ATP10B: variants seen among roughly 807,000 people sequenced by gnomAD.
ATP10B encodes the protein ATPase phospholipid transporting 10B (putative).
A neutral mutation model predicts 141.2 loss-of-function variants in ATP10B; 122 were observed. That is an observed-to-expected ratio of 0.86 (90% CI 0.75 to 1.00). The LOEUF (loss-of-function observed/expected upper bound fraction) is 1.00, where lower values mean the gene tolerates loss of function less well. Among genes scored for constraint, ATP10B ranks in the 50% least tolerant of loss-of-function variants. The pLI is 0.00. For synonymous variants in ATP10B, 685 were observed against 692.0 expected (o/e 0.99, Z 0.16); for missense variants, 1,876 against 1,825.3 (o/e 1.03, Z -0.51).
intron 2 of ATP10B, among the ~76,000 whole-genome samples, chr5:160,777,618 A>G (rs1470034474): frequency 1.3e-5 from 2 of 152,204 alleles, no homozygotes; most frequent in East Asian, 1.9e-4. Context: ...GAAGCTGGCT[A>G]TATGTTCCTG....
chr5:160,661,162 G>A (rs1761884373), intron 7 of ATP10B, among the ~76,000 whole-genome samples: 1 of 151,930 alleles, frequency 6.6e-6, no homozygotes, highest in South Asian at 2.1e-4. Flanking sequence ...CTCCAGCCTG[G>A]GCAACAAGAG....
the ATP10B span, among the ~76,000 whole-genome samples, chr5:160,882,416 T>C: frequency 6.6e-6 from 1 of 152,134 alleles, no homozygotes; most frequent in Non-Finnish European, 1.5e-5. Context: ...CTTAAGATTG[T>C]TCTAAGAAAA....
chr5:160,922,988 C>G, the ATP10B span, among the ~76,000 whole-genome samples: 1 of 152,144 alleles, frequency 6.6e-6, no homozygotes, highest in Non-Finnish European at 1.5e-5. Flanking sequence ...GAGGTAAGCA[C>G]AAGTATTTGT....
chr5:160,690,923 A>T (rs900065286), intron 3 of ATP10B, among the ~76,000 whole-genome samples: 2 of 152,136 alleles, frequency 1.3e-5, no homozygotes, highest in African/African-American at 2.4e-5. Flanking sequence ...TTATTGCAGC[A>T]CTCTTCACAA....
At chr5:160,577,384 G>A (rs1410320241) in intron 24 of ATP10B, among the ~76,000 whole-genome samples, 4 of 152,204 alleles carry the variant, frequency 2.6e-5, no homozygotes, top group Non-Finnish European at 4.4e-5. Flanking sequence ...TTTACCTCAT[G>A]ACTCTATCTT....
intron 11 of ATP10B, among the ~76,000 whole-genome samples, chr5:160,635,498 C>A (rs184830229): frequency 6.6e-6 from 1 of 152,174 alleles, no homozygotes; most frequent in Non-Finnish European, 1.5e-5. Context: ...TGATTTAATT[C>A]GCATTTAAAA....
Position 160,649,269 on chromosome 5 carries a change from G to A in ATP10B, c.676-13C>T. On this transcript the variant is annotated splice_polypyrimidine_tract_variant and intron_variant, in intron 7 of 25. Coordinates refer to ENST00000327245, the MANE Select transcript of ATP10B (RefSeq NM_025153.3). Reference sequence around the variant, plus strand: ...CGAACTGTACCTCCTGTGAGAGAGAGGACTCTGTGAGTTTATTAATTCAGA... The same window carrying A: ...CGAACTGTACCTCCTGTGAGAGAGAAGACTCTGTGAGTTTATTAATTCAGA... 10 of 1,601,978 alleles carry A rather than the reference G, an allele frequency of 6.2e-6. No individual in the cohort carries two copies. Among genetic ancestry groups the A allele is most frequent in the Non-Finnish European group, 8.6e-6 (10 of 1,169,096 alleles).
At position 160,620,635 on chromosome 5, in the gene ATP10B, G is replaced by C; in HGVS notation, c.2128C>G (p.Leu710Val). 1.2e-6 allele frequency: 2 copies of C among 1,613,700 alleles called. No individual in the cohort carries two copies. The highest frequency in any genetic ancestry group is 1.7e-6 in the Non-Finnish European group (2 of 1,179,628). The change falls in exon 15 of 26, where the codon CTG (leucine) becomes GTG (valine). Residue 710 changes from leucine (L) to valine (V), a missense_variant. Coordinates refer to ENST00000327245, the MANE Select transcript of ATP10B (RefSeq NM_025153.3). ...TCGTAACAGAACTCAGGCCTGGCCA[G>C]GTCTGTGGCTGGGGCCTCCAATGCC... The part of the protein sequence containing the change: ...EEALEAPATD[L>V]ARPEFCYEAE...
chr5:160,653,661 A>G (rs1761166638), intron 7 of ATP10B, among the ~76,000 whole-genome samples: 1 of 119,314 alleles, frequency 8.4e-6, no homozygotes, highest in South Asian at 2.4e-4. Flanking sequence ...ATATACATAT[A>G]TACATATATA....
chr5:160,832,646 G>T (rs1193355166), intron 1 of ATP10B, among the ~76,000 whole-genome samples: 1 of 151,934 alleles, frequency 6.6e-6, no homozygotes, highest in African/African-American at 2.4e-5. Flanking sequence ...AGATACATTT[G>T]CTCCCACTTG....
the ATP10B span, among the ~76,000 whole-genome samples, chr5:160,903,998 T>G: frequency 6.6e-6 from 1 of 152,138 alleles, no homozygotes. Context: ...CGCCATAGGC[T>G]TGAGTACTGA....
chr5:160,670,134 C>G (rs1184462519), intron 7 of ATP10B, among the ~76,000 whole-genome samples: 1 of 151,970 alleles, frequency 6.6e-6, no homozygotes, highest in African/African-American at 2.4e-5. Flanking sequence ...AGGAGTTGGT[C>G]CTAGTGATGA....
intron 2 of ATP10B, among the ~76,000 whole-genome samples, chr5:160,746,819 C>T (rs72818579): frequency 0.07 from 10,683 of 152,198 alleles, 367 homozygotes; most frequent in Middle Eastern, 0.085. Context: ...ATGATTAAGA[C>T]CATCTCATTC....
chr5:160,864,192 CA>C, the ATP10B span, among the ~76,000 whole-genome samples: 8 of 152,060 alleles, frequency 5.3e-5, no homozygotes, highest in South Asian at 1.7e-3. Context: ...AAATCCTCAA[CA>C]AAACACTAGC....
intron 1 of ATP10B, among the ~76,000 whole-genome samples, chr5:160,796,412 G>C (rs1485408749): frequency 6.6e-6 from 1 of 152,216 alleles, no homozygotes; most frequent in African/African-American, 2.4e-5. Flanking sequence ...GGTAACAGTA[G>C]CTGACAGTAA....
chr5:160,615,937 A>T lies in ATP10B; in HGVS notation c.2554T>A (p.Trp852Arg). The T allele has an allele frequency of 6.2e-7, 1 of 1,613,894 alleles. No homozygotes were observed. The highest frequency in any genetic ancestry group is 8.5e-7 in the Non-Finnish European group (1 of 1,179,844). The change falls in exon 17 of 26, where the codon TGG (tryptophan) becomes AGG (arginine). Residue 852 changes from tryptophan (W) to arginine (R), a missense_variant. Coordinates refer to ENST00000327245, the MANE Select transcript of ATP10B (RefSeq NM_025153.3). ...KVVSEEDFRR[W>R]ASFRREAEAS... ...TCAGCCTCACGCCGGAAACTGGCCC[A>T]TCTCCGGAAGTCCTCTTCGCTTACA...
At chr5:160,770,557 G>GAACC (rs1769819368) in intron 2 of ATP10B, among the ~76,000 whole-genome samples, 1 of 152,022 alleles carries the variant, frequency 6.6e-6, no homozygotes, top group African/African-American at 2.4e-5. Context: ...ATTTATTCAG[G>GAACC]AACCCTAAGG....
upstream of ATP10B, among the ~76,000 whole-genome samples, chr5:160,855,471 ATT>A (rs568872252): frequency 5.8e-4 from 87 of 149,430 alleles, no homozygotes; most frequent in Non-Finnish European, 1.1e-3. Context: ...GTTTTAATTA[ATT>A]TTTGTTTGTT....
chr5:160,570,380 T>A (rs1754800421), intron 24 of ATP10B, among the ~76,000 whole-genome samples: 1 of 152,224 alleles, frequency 6.6e-6, no homozygotes. Flanking sequence ...TATTGTTCTT[T>A]TAAACATATT....
Sources: gnomAD v4.1 joint callset for allele counts (sites outside exome capture counted in the v4.1 genomes callset) on GRCh38, gnomAD v4.1.1 for gene constraint, MANE v1.5 for transcripts, NCBI Gene and HGNC (gene_info 2026-07-23, HGNC 2026-07-21) for gene names.